The following OMA1 variants were observed in gnomAD, a reference collection of about 807,000 sequenced individuals.
The protein encoded by OMA1 is metalloendopeptidase OMA1, mitochondrial.
In OMA1, 38 loss-of-function variants were observed where a neutral mutation model predicts 30.9. That is an observed-to-expected ratio of 1.23 (90% CI 0.95 to 1.61). OMA1 has a LOEUF of 1.61. OMA1 is among the 40% of genes most tolerant of loss of function. The pLI, the probability that OMA1 is intolerant of heterozygous loss-of-function variation, is 0.00. For synonymous variants in OMA1, 173 were observed against 121.9 expected, an observed-to-expected ratio of 1.42 and a Z score of -2.76; for missense variants, 461 against 349.2, an observed-to-expected ratio of 1.32 and a Z score of -2.55.
At chr1:58,544,273 T>C (rs1212034393) in intron 1 of OMA1, among the ~76,000 whole-genome samples, 1 of 152,206 alleles carries the variant, frequency 6.6e-6, no homozygotes. Context: ...TATTCATTCA[T>C]TCTGAAAATG....
intron 3 of OMA1, among the ~76,000 whole-genome samples, chr1:58,534,689 C>T (rs1646489369): frequency 6.6e-6 from 1 of 152,200 alleles, no homozygotes; most frequent in South Asian, 2.1e-4. Flanking sequence ...AATCCCAGAA[C>T]TAGGGGAGGC....
intron 1 of OMA1, among the ~76,000 whole-genome samples, chr1:58,541,237 TGAGCCGAG>T (rs1250000361): frequency 1.7e-5 from 2 of 115,406 alleles, no homozygotes; most frequent in Non-Finnish European, 3.3e-5. Flanking sequence ...GAGGTTGCAG[TGAGCCGAG>T]ATGACGCCAC....
At chr1:58,499,363 T>C (rs957207474) in intron 8 of OMA1, among the ~76,000 whole-genome samples, 2 of 147,552 alleles carry the variant, frequency 1.4e-5, no homozygotes, top group Non-Finnish European at 3.0e-5. Flanking sequence ...TACATTCCTA[T>C]AGTCCTAGCT....
chr1:58,483,089 T>C (rs1268276163), intron 8 of OMA1, among the ~76,000 whole-genome samples: 1 of 152,194 alleles, frequency 6.6e-6, no homozygotes, highest in Non-Finnish European at 1.5e-5. Flanking sequence ...GGTACAAAAC[T>C]AGAATTCTTG....
intron 5 of OMA1, among the ~76,000 whole-genome samples, chr1:58,533,291 T>G (rs1161901714): frequency 6.6e-6 from 1 of 152,206 alleles, no homozygotes; most frequent in African/African-American, 2.4e-5. Flanking sequence ...TGGACTAACA[T>G]ACAGAAGACC....
intron 8 of OMA1, among the ~76,000 whole-genome samples, chr1:58,501,894 G>C (rs1184021819): frequency 6.6e-6 from 1 of 152,062 alleles, no homozygotes; most frequent in African/African-American, 2.4e-5. Context: ...TTTATAAAAA[G>C]AGACATAAGA....
chr1:58,532,591 G>C (rs1376194541), intron 5 of OMA1, among the ~76,000 whole-genome samples: 2 of 152,094 alleles, frequency 1.3e-5, no homozygotes, highest in Non-Finnish European at 1.5e-5. Flanking sequence ...GCAGTGGTGC[G>C]ATCATGGCTC....
chr1:58,522,240 G>C (rs1235677615), intron 7 of OMA1, among the ~76,000 whole-genome samples: 1 of 152,094 alleles, frequency 6.6e-6, no homozygotes, highest in Non-Finnish European at 1.5e-5. Context: ...GTGATGAGTT[G>C]ATCTGTGCAG....
At chr1:58,542,101 C>T (rs755617281) in intron 1 of OMA1, among the ~76,000 whole-genome samples, 1 of 152,168 alleles carries the variant, frequency 6.6e-6, no homozygotes, top group Admixed American at 6.5e-5. Flanking sequence ...ACATCCTGCC[C>T]TTGCACTGTT....
chr1:58,522,619 AC>A (rs145863943), intron 7 of OMA1, among the ~76,000 whole-genome samples: 27,048 of 152,022 alleles, frequency 0.18, 2,541 homozygotes, highest in Middle Eastern at 0.23. Context: ...AAGGGCACTG[AC>A]CCCTCTGTGC....
At chr1:58,524,837 T>C (rs1646325266) in intron 7 of OMA1, among the ~76,000 whole-genome samples, 1 of 152,132 alleles carries the variant, frequency 6.6e-6, no homozygotes, top group South Asian at 2.1e-4. Context: ...CAATGAAAAA[T>C]ATGCAAGAAC....
intron 8 of OMA1, among the ~76,000 whole-genome samples, chr1:58,505,251 A>G (rs1645969435): frequency 6.6e-6 from 1 of 152,192 alleles, no homozygotes; most frequent in Admixed American, 6.5e-5. Flanking sequence ...ATACTTCTAT[A>G]ATACACCTGG....
intron 8 of OMA1, among the ~76,000 whole-genome samples, chr1:58,498,977 T>C (rs963101079): frequency 3.3e-5 from 5 of 152,126 alleles, no homozygotes; most frequent in Non-Finnish European, 7.4e-5. Flanking sequence ...AATTATCCTC[T>C]GGAATGATAA....
rs116618060 is a variant in OMA1 at position 58,487,156 on chromosome 1, G to A, written c.1366-5982C>T. ...CGGTAACTTGGGAGGAGATGATGGT[G>A]ACTTTTACTAGGAAAGGAGCAGTGG... On this transcript the variant is annotated intron_variant, in intron 8 of 8. Transcript: ENST00000371226. 7.0e-3 allele frequency among the ~76,000 whole-genome samples: 1,073 copies of A among 152,286 alleles called. 7 individuals are homozygous for A. The highest frequency in any genetic ancestry group is 0.018 in the African/African-American group (745 of 41,552).
At chr1:58,492,931 C>T (rs889352018) in intron 8 of OMA1, among the ~76,000 whole-genome samples, 24 of 152,144 alleles carry the variant, frequency 1.6e-4, no homozygotes, top group Non-Finnish European at 2.5e-4. Context: ...CCAGCATCAT[C>T]CTGATACCAA....
chr1:58,514,999 G>C (rs1353174427), intron 7 of OMA1, among the ~76,000 whole-genome samples: 1 of 152,058 alleles, frequency 6.6e-6, no homozygotes, highest in Non-Finnish European at 1.5e-5. Flanking sequence ...ACAGTGCCCA[G>C]CACATTAAAA....
chr1:58,513,594 G>C (rs1646114820), intron 7 of OMA1, among the ~76,000 whole-genome samples: 1 of 152,092 alleles, frequency 6.6e-6, no homozygotes, highest in Non-Finnish European at 1.5e-5. Flanking sequence ...GAAATACTTT[G>C]GTCCTAGAAT....
chr1:58,525,483 C>T (rs538211354), intron 7 of OMA1, among the ~76,000 whole-genome samples: 2 of 152,174 alleles, frequency 1.3e-5, no homozygotes, highest in Non-Finnish European at 2.9e-5. Flanking sequence ...TTTATCATGA[C>T]ATCAAACACT....
At chr1:58,488,542 C>T (rs1236795290) in intron 8 of OMA1, among the ~76,000 whole-genome samples, 1 of 152,178 alleles carries the variant, frequency 6.6e-6, no homozygotes, top group Non-Finnish European at 1.5e-5. Flanking sequence ...ACCTCTGCCT[C>T]CCAGGTTCAA....
Sources: gnomAD v4.1 joint callset for allele counts (sites outside exome capture counted in the v4.1 genomes callset) on GRCh38, gnomAD v4.1.1 for gene constraint, MANE v1.5 for transcripts, NCBI Gene and HGNC (gene_info 2026-07-23, HGNC 2026-07-21) for gene names.